Variants in CCDC91 observed in about 807,000 individuals in gnomAD.
CCDC91 encodes the protein coiled-coil domain containing 91.
A neutral mutation model predicts 63.2 loss-of-function variants in CCDC91; 48 were observed. The observed-to-expected ratio is 0.76, with a 90% CI of 0.60 to 0.97. CCDC91 has a LOEUF of 0.97. CCDC91 is among the 50% of genes least tolerant of loss of function. The pLI is 0.00. For synonymous variants in CCDC91, 167 were observed against 165.8 expected (o/e 1.01, Z -0.06); for missense variants, 500 against 494.6 (o/e 1.01, Z -0.10).
chr12:28,515,785 T>G (rs979140162), intron 12 of CCDC91, among the ~76,000 whole-genome samples: 7 of 151,870 alleles, frequency 4.6e-5, no homozygotes, highest in Non-Finnish European at 7.4e-5. Flanking sequence ...TCTATGTTAT[T>G]TTTTTCCTCA....
chr12:28,474,550 G>A (rs1163094754), intron 11 of CCDC91, among the ~76,000 whole-genome samples: 1 of 151,892 alleles, frequency 6.6e-6, no homozygotes, highest in Non-Finnish European at 1.5e-5. Context: ...TAATGTTGTT[G>A]TTACACAGCA....
At chr12:28,199,124 A>G (rs10843127) in intron 1 of CCDC91, 39,635 of 151,638 alleles carry the variant, frequency 0.26, 5,432 homozygotes, top group Non-Finnish European at 0.31. Context: ...CTGTTGCCTG[A>G]GCTGGTCTTG....
intron 7 of CCDC91, among the ~76,000 whole-genome samples, chr12:28,380,086 A>T (rs1376549937): frequency 6.6e-6 from 1 of 151,992 alleles, no homozygotes; most frequent in African/African-American, 2.4e-5. Flanking sequence ...AGAAAACCAA[A>T]CACCGCATGT....
intron 9 of CCDC91, 35 bp from the exon 10 acceptor site, chr12:28,450,315 T>A: frequency 6.3e-7 from 1 of 1,593,732 alleles, no homozygotes; most frequent in Non-Finnish European, 8.6e-7. Context: ...AAATAATACA[T>A]TTAATGTCTT....
chr12:28,211,901 A>G (rs1223092012), intron 1 of CCDC91, among the ~76,000 whole-genome samples: 1 of 152,168 alleles, frequency 6.6e-6, no homozygotes, highest in Non-Finnish European at 1.5e-5. Flanking sequence ...TTTGTGACCC[A>G]GTCAGATGTA....
At chr12:28,466,940 A>G (rs1950576929) in intron 11 of CCDC91, among the ~76,000 whole-genome samples, 1 of 152,166 alleles carries the variant, frequency 6.6e-6, no homozygotes, top group Non-Finnish European at 1.5e-5. Flanking sequence ...TATAATAACA[A>G]AAAGCTAAAA....
chr12:28,518,609 T>C (rs1371367586), intron 12 of CCDC91, among the ~76,000 whole-genome samples: 1 of 152,128 alleles, frequency 6.6e-6, no homozygotes, highest in African/African-American at 2.4e-5. Context: ...GGTTGTCTGT[T>C]TATTTTGCTG....
intron 12 of CCDC91, among the ~76,000 whole-genome samples, chr12:28,518,455 T>TTTGATAATTCTGTA (rs1555119978): frequency 4.0e-5 from 6 of 151,784 alleles, no homozygotes; most frequent in African/African-American, 1.5e-4. Context: ...TATTCATTCT[T>TTTGATAATTCTGTA]TTGATAATTG....
At chr12:28,338,448 A>G (rs559098188) in intron 6 of CCDC91, among the ~76,000 whole-genome samples, 1 of 152,224 alleles carries the variant, frequency 6.6e-6, no homozygotes, top group South Asian at 2.1e-4. Context: ...TGGGTAGAGA[A>G]AACAGTGTGA....
In CCDC91 at chr12:28,293,894, C is replaced by T. The variant is rs189561184; in HGVS notation, c.110-11755C>T. Among the ~76,000 whole-genome samples, 173 of 152,076 alleles carry T rather than the reference C, an allele frequency of 1.1e-3. 1 individual carries two copies. Among genetic ancestry groups the T allele is most frequent in the African/African-American group, 3.7e-3 (155 of 41,514 alleles). On this transcript the variant is annotated intron_variant, in intron 3 of 12. Transcript: ENST00000536442. ...TGTGCTCACCTCCTTGTCTGCAGTGCGCCTGGCTCCTTGCCTGTATTTTTC... is the reference window on the plus strand; with the variant it reads ...TGTGCTCACCTCCTTGTCTGCAGTGTGCCTGGCTCCTTGCCTGTATTTTTC...
chr12:28,239,564 A>G (rs1945193199), intron 1 of CCDC91, among the ~76,000 whole-genome samples: 1 of 139,828 alleles, frequency 7.2e-6, no homozygotes, highest in Non-Finnish European at 1.6e-5. Context: ...TGAAGTCATC[A>G]TTGTGCTATT....
intron 12 of CCDC91, among the ~76,000 whole-genome samples, chr12:28,520,840 A>T (rs1170347351): frequency 6.6e-6 from 1 of 152,150 alleles, no homozygotes; most frequent in Non-Finnish European, 1.5e-5. Flanking sequence ...TCGTTTCCCC[A>T]TTTCTTGTTT....
chr12:28,202,931 A>G (rs1942574395), intron 1 of CCDC91, among the ~76,000 whole-genome samples: 1 of 152,204 alleles, frequency 6.6e-6, no homozygotes, highest in Non-Finnish European at 1.5e-5. Context: ...GACAAATGCT[A>G]TCTGGGGAAA....
intron 12 of CCDC91, among the ~76,000 whole-genome samples, chr12:28,533,927 A>C (rs1200979250): frequency 6.6e-6 from 1 of 152,074 alleles, no homozygotes; most frequent in East Asian, 1.9e-4. Context: ...GTTTTTGTTC[A>C]TTAATTTTTT....
At chr12:28,427,609 C>T (rs1948396433) in intron 8 of CCDC91, among the ~76,000 whole-genome samples, 1 of 152,116 alleles carries the variant, frequency 6.6e-6, no homozygotes, top group African/African-American at 2.4e-5. Context: ...AATATTTTTA[C>T]CAGTTTATAT....
intron 1 of CCDC91, among the ~76,000 whole-genome samples, chr12:28,194,195 A>T (rs1941533463): frequency 6.6e-6 from 1 of 152,072 alleles, no homozygotes; most frequent in Admixed American, 6.5e-5. Flanking sequence ...TAGGTCTGTG[A>T]CCAATTTCGA....
rs534961828 is a variant in CCDC91, at chr12:28,239,194, A to G, written c.-14-18008A>G. Among the ~76,000 whole-genome samples, 3 of 152,164 alleles carry G rather than the reference A, an allele frequency of 2.0e-5. No homozygotes were observed. The South Asian group carries it at 6.2e-4, about 32-fold the overall frequency. ...ATAACACCATTATATATGTAGACAT[A>G]TATATGAGAATACATATTTTTATAT... is the stretch of plus-strand genomic sequence containing the variant. On this transcript the variant is annotated intron_variant, in intron 1 of 12. Transcript: ENST00000536442.
At chr12:28,390,906 T>A (rs925886224) in intron 7 of CCDC91, among the ~76,000 whole-genome samples, 14 of 151,648 alleles carry the variant, frequency 9.2e-5, no homozygotes, top group African/African-American at 3.4e-4. Flanking sequence ...GTGAAATATG[T>A]CTGGCCTTTT....
At chr12:28,536,062 G>A (rs1942151955) in intron 12 of CCDC91, among the ~76,000 whole-genome samples, 1 of 151,870 alleles carries the variant, frequency 6.6e-6, no homozygotes, top group African/African-American at 2.4e-5. Flanking sequence ...GTGGGAAATG[G>A]AAAGTTTTAT....
Sources: allele counts gnomAD v4.1 joint callset (sites outside exome capture counted in the v4.1 genomes callset), GRCh38; gene constraint gnomAD v4.1.1; transcripts MANE v1.5; gene names NCBI Gene and HGNC (gene_info 2026-07-23, HGNC 2026-07-21).